Variants in RELCH observed in about 807,000 individuals in gnomAD.
RELCH encodes the protein RAB11-binding protein RELCH.
Under a neutral mutation model 150.3 loss-of-function variants are expected in RELCH, and 41 were observed. The ratio of observed to expected loss-of-function variants is 0.27; its 90% confidence interval spans 0.21 to 0.35. RELCH has a LOEUF of 0.35. Among genes scored for constraint, RELCH ranks in the 10% least tolerant of loss-of-function variants. The pLI, the probability that RELCH is intolerant of heterozygous loss-of-function variation, is 1.00. For synonymous variants in RELCH, 478 were observed against 531.8 expected (o/e 0.90, Z 1.39); for missense variants, 1,092 against 1,467.8 (o/e 0.74, Z 4.18).
chr18:62,215,056 T>G (rs577963107), intron 2 of RELCH, among the ~76,000 whole-genome samples: 1 of 152,112 alleles, frequency 6.6e-6, no homozygotes, highest in Non-Finnish European at 1.5e-5. Context: ...TGAACATACG[T>G]TTTCAATCTT....
intron 1 of RELCH, among the ~76,000 whole-genome samples, chr18:62,205,870 T>TA (rs948210453): frequency 7.3e-5 from 11 of 151,616 alleles, no homozygotes; most frequent in African/African-American, 2.7e-4. Flanking sequence ...ATAATTTTTT[T>TA]AAAAAAATTA....
intron 15 of RELCH, 62 bp downstream of exon 15, chr18:62,258,738 T>C: frequency 8.5e-7 from 1 of 1,174,228 alleles, no homozygotes; most frequent in Non-Finnish European, 1.2e-6. Flanking sequence ...TAAGCCATCT[T>C]GGAACAATGT....
intron 10 of RELCH, among the ~76,000 whole-genome samples, chr18:62,235,639 T>G (rs553712072): frequency 6.6e-6 from 1 of 152,176 alleles, no homozygotes; most frequent in African/African-American, 2.4e-5. Context: ...ATTTTGTAAT[T>G]TTTAGTATAC....
At position 62,219,009 on chromosome 18, in the gene RELCH, T is replaced by A. The variant is rs535469265; in HGVS notation, c.617-2028T>A. ...TGCAATTACTTGATCATATTATGCCTTTATAGAAATGTACTATAGATTCAA... is the reference window on the plus strand; with the variant it reads ...TGCAATTACTTGATCATATTATGCCATTATAGAAATGTACTATAGATTCAA... On this transcript the variant is annotated intron_variant, in intron 2 of 28. Coordinates refer to ENST00000644646, the MANE Select transcript of RELCH (RefSeq NM_001346231.2). 4.6e-5 allele frequency among the ~76,000 whole-genome samples: 7 copies of A among 152,078 alleles called. No individual in the cohort carries two copies. The South Asian group carries it at 1.4e-3, about 31-fold the overall frequency.
intron 10 of RELCH, among the ~76,000 whole-genome samples, chr18:62,237,621 GT>G (rs1175748040): frequency 6.6e-6 from 1 of 151,618 alleles, no homozygotes; most frequent in African/African-American, 2.4e-5. Context: ...TAAAAAAGAT[GT>G]TTTACATCAT....
intron 1 of RELCH, among the ~76,000 whole-genome samples, chr18:62,189,963 A>ATG (rs1288729767): frequency 6.6e-6 from 1 of 151,846 alleles, no homozygotes; most frequent in South Asian, 2.1e-4. Flanking sequence ...GTTTGTCTCT[A>ATG]TGTGTGTGTG....
intron 24 of RELCH, among the ~76,000 whole-genome samples, chr18:62,281,038 T>C (rs936206461): frequency 6.6e-6 from 1 of 152,172 alleles, no homozygotes; most frequent in Non-Finnish European, 1.5e-5. Flanking sequence ...TCTTTTCTAC[T>C]TATCACTAGA....
At chr18:62,251,807 A>G (rs905227703) in intron 11 of RELCH, among the ~76,000 whole-genome samples, 2 of 152,192 alleles carry the variant, frequency 1.3e-5, no homozygotes. Context: ...AGCATTGGGC[A>G]TATATAATCT....
At chr18:62,293,184 A>G (rs2045239607) in intron 27 of RELCH, among the ~76,000 whole-genome samples, 1 of 152,214 alleles carries the variant, frequency 6.6e-6, no homozygotes, top group African/African-American at 2.4e-5. Context: ...TGTAGAATAT[A>G]CACTCAAAGG....
rs996918985 is a variant in RELCH at position 62,306,622 on chromosome 18, T to C, written c.*1088T>C. On this transcript the variant is annotated 3_prime_UTR_variant, in exon 29 of 29. Transcript: ENST00000644646. ...TCAGTGACCTCCTGTGTTTGATGTA[T>C]ATTACATAGAGTCTTAAGTCAGTGT... is the stretch of plus-strand genomic sequence containing the variant. The C allele has an allele frequency of 6.6e-6, 1 of 152,622 alleles. No individual in the cohort carries two copies. Among genetic ancestry groups the C allele is most frequent in the Non-Finnish European group, 1.5e-5 (1 of 68,020 alleles). 9.5% of individuals were successfully genotyped at this position (152,622 alleles called of 1,614,324 possible). A position where few individuals can be genotyped will look rare whatever the true frequency, so the allele number is the denominator to read the frequency against.
intron 18 of RELCH, 51 bp downstream of exon 18, chr18:62,264,903 A>G: frequency 6.9e-7 from 1 of 1,454,794 alleles, no homozygotes; most frequent in South Asian, 1.2e-5. Context: ...ATAGAAATGT[A>G]ATGTGTTAAC....
intron 10 of RELCH, among the ~76,000 whole-genome samples, chr18:62,244,227 G>C (rs1210093158): frequency 1.3e-5 from 2 of 152,042 alleles, no homozygotes; most frequent in East Asian, 3.8e-4. Context: ...TATTTCTACT[G>C]ATACTGAGAC....
In RELCH at chr18:62,187,775, C is replaced by G; in HGVS notation, c.270C>G (p.Ala90=). Residue 90 remains alanine, a synonymous_variant, in exon 1 of 29, where the codon GCC becomes GCG. Transcript: ENST00000644646. ...TGGGGGGCACCGGGGAGACCCCGGC[C>G]CGATTATCAATTGATGCGATCGCTG... ...VALGGTGETP[A]RLSIDAIAAQ... 6.2e-7 allele frequency: 1 copy of G among 1,608,452 alleles called. No individual in the cohort carries two copies. The highest frequency in any genetic ancestry group is 8.5e-7 in the Non-Finnish European group (1 of 1,177,286).
chr18:62,269,047 GA>G (rs2043746936), intron 20 of RELCH, 99 bp downstream of exon 20: 5 of 499,038 alleles, frequency 1.0e-5, no homozygotes, highest in Admixed American at 3.5e-5. Context: ...TACCAATAAA[GA>G]AAAACAATTT....
intron 16 of RELCH, among the ~76,000 whole-genome samples, chr18:62,263,050 G>C (rs983956021): frequency 2.0e-4 from 30 of 152,096 alleles, no homozygotes. Flanking sequence ...TCTGTGTCCA[G>C]ATTTTCCCTT....
At chr18:62,253,281 GT>G (rs1355408174) in intron 12 of RELCH, among the ~76,000 whole-genome samples, 4 of 113,826 alleles carry the variant, frequency 3.5e-5, no homozygotes, top group African/African-American at 1.7e-4. Context: ...GTGTGTGTGT[GT>G]GTGTGTGTGT....
At chr18:62,212,116 G>A (rs1027160647) in intron 2 of RELCH, among the ~76,000 whole-genome samples, 3 of 152,174 alleles carry the variant, frequency 2.0e-5, no homozygotes, top group Non-Finnish European at 4.4e-5. Flanking sequence ...GACTTCAGAG[G>A]ATCAGTTTGT....
At chr18:62,280,785 C>T (rs1053350339) in intron 24 of RELCH, 76 bp downstream of exon 24, 6 of 968,006 alleles carry the variant, frequency 6.2e-6, no homozygotes, top group Non-Finnish European at 9.8e-6. Flanking sequence ...TGGTAGGCTG[C>T]AGGGAGCATC....
chr18:62,194,875 G>A (rs948261355), intron 1 of RELCH, among the ~76,000 whole-genome samples: 1 of 151,986 alleles, frequency 6.6e-6, no homozygotes, highest in African/African-American at 2.4e-5. Flanking sequence ...ATAAAAAGTG[G>A]TTTTCTTTAT....
Sources: gnomAD v4.1 joint callset for allele counts (sites outside exome capture counted in the v4.1 genomes callset) on GRCh38, gnomAD v4.1.1 for gene constraint, MANE v1.5 for transcripts, NCBI Gene and HGNC (gene_info 2026-07-23, HGNC 2026-07-21) for gene names.